The following GPC6 variants were observed in gnomAD, a reference collection of about 807,000 sequenced individuals.
The protein encoded by GPC6 is glypican-6.
In GPC6, 14 loss-of-function variants were observed where a neutral mutation model predicts 55.2. That is an observed-to-expected ratio of 0.25 (90% CI 0.17 to 0.40). The LOEUF is 0.40. GPC6 is among the 10% of genes least tolerant of loss of function. The pLI is 1.00. For synonymous variants in GPC6, 278 were observed against 259.6 expected (o/e 1.07, Z -0.68); for missense variants, 641 against 708.5 (o/e 0.90, Z 1.08).
intron 1 of GPC6, among the ~76,000 whole-genome samples, chr13:93,478,949 C>G (rs761128011): frequency 5.3e-5 from 8 of 152,166 alleles, no homozygotes; most frequent in Non-Finnish European, 1.0e-4. Context: ...AGTCCTGTAG[C>G]TGGCTACATG....
chr13:93,242,855 C>T (rs903562350), intron 1 of GPC6, among the ~76,000 whole-genome samples: 5 of 152,012 alleles, frequency 3.3e-5, no homozygotes, highest in Non-Finnish European at 7.4e-5. Flanking sequence ...TCCTCTGGGT[C>T]TAGCCACCAT....
chr13:93,543,616 T>A (rs186820599), intron 1 of GPC6, among the ~76,000 whole-genome samples: 1 of 152,292 alleles, frequency 6.6e-6, no homozygotes, highest in East Asian at 1.9e-4. Context: ...TTCCTCCTTG[T>A]ACCTCTGGTA....
At chr13:93,587,399 ACTT>A (rs772852954) in intron 2 of GPC6, among the ~76,000 whole-genome samples, 77 of 152,258 alleles carry the variant, frequency 5.1e-4, no homozygotes, top group Non-Finnish European at 9.6e-4. Context: ...CAGTTCTGAA[ACTT>A]CTTCTAGCTT....
chr13:93,771,142 C>A (rs542746663), intron 2 of GPC6, among the ~76,000 whole-genome samples: 18 of 152,248 alleles, frequency 1.2e-4, no homozygotes, highest in African/African-American at 4.3e-4. Flanking sequence ...AATAAGCAAA[C>A]AAGTCATCTT....
chr13:94,328,360 T>G (rs1877233099), intron 6 of GPC6, among the ~76,000 whole-genome samples: 1 of 152,250 alleles, frequency 6.6e-6, no homozygotes, highest in African/African-American at 2.4e-5. Flanking sequence ...CTTGGAAGAA[T>G]GACTACTCTT....
chr13:93,467,575 CTTTTTTT>C (rs11426472), intron 1 of GPC6, among the ~76,000 whole-genome samples: 3 of 74,022 alleles, frequency 4.1e-5, no homozygotes, highest in East Asian at 8.9e-4. Context: ...AGCTGTGATT[CTTTTTTT>C]TTTTTTTTTT....
At chr13:94,343,014 C>G (rs1477861735) in intron 6 of GPC6, among the ~76,000 whole-genome samples, 1 of 152,146 alleles carries the variant, frequency 6.6e-6, no homozygotes, top group East Asian at 1.9e-4. Context: ...ATCTGAAAAT[C>G]TCATGCCCTG....
intron 1 of GPC6, among the ~76,000 whole-genome samples, chr13:93,274,666 C>T (rs544984867): frequency 6.6e-6 from 1 of 152,216 alleles, no homozygotes; most frequent in Admixed American, 6.5e-5. Flanking sequence ...TCAGATAATT[C>T]AAGTTATTTA....
intron 1 of GPC6, among the ~76,000 whole-genome samples, chr13:93,378,574 A>G (rs1019939889): frequency 1.3e-5 from 2 of 152,180 alleles, no homozygotes; most frequent in Non-Finnish European, 2.9e-5. Context: ...CTATCCCTGT[A>G]GACTTGTGGT....
At chr13:93,578,422 T>G (rs1230862953) in intron 2 of GPC6, among the ~76,000 whole-genome samples, 2 of 152,022 alleles carry the variant, frequency 1.3e-5, no homozygotes, top group Non-Finnish European at 2.9e-5. Flanking sequence ...TATTCTGTCT[T>G]GGTAGAATTT....
intron 2 of GPC6, among the ~76,000 whole-genome samples, chr13:93,661,087 C>A (rs564003101): frequency 1.3e-5 from 2 of 152,274 alleles, no homozygotes; most frequent in East Asian, 3.9e-4. Flanking sequence ...ATCTGTAGTA[C>A]ATGCAAGGAG....
chr13:94,264,549 C>T (rs1004950095), intron 4 of GPC6, among the ~76,000 whole-genome samples: 6 of 152,090 alleles, frequency 3.9e-5, no homozygotes, highest in South Asian at 2.1e-4. Flanking sequence ...GGTCACTAGA[C>T]GGTAAAAGAT....
chr13:93,930,595 G>T (rs569848803), intron 3 of GPC6, among the ~76,000 whole-genome samples: 1 of 152,010 alleles, frequency 6.6e-6, no homozygotes, highest in South Asian at 2.1e-4. Context: ...TTACAATACA[G>T]TACAATATGA....
chr13:94,264,777 G>A (rs1489311540), intron 4 of GPC6, among the ~76,000 whole-genome samples: 1 of 152,110 alleles, frequency 6.6e-6, no homozygotes, highest in East Asian at 1.9e-4. Context: ...TACCCAAGAC[G>A]GGTAATTTAT....
chr13:94,279,728 C>G (rs1370253462), intron 4 of GPC6, among the ~76,000 whole-genome samples: 1 of 152,072 alleles, frequency 6.6e-6, no homozygotes, highest in African/African-American at 2.4e-5. Context: ...GCAGGTTGTT[C>G]CATTTCCATG....
At chr13:93,878,078 G>A (rs1874702458) in intron 3 of GPC6, among the ~76,000 whole-genome samples, 1 of 151,986 alleles carries the variant, frequency 6.6e-6, no homozygotes, top group Non-Finnish European at 1.5e-5. Context: ...GTTGTTATTT[G>A]TCTTTTTAAA....
At chr13:94,246,491 G>C (rs958203995) in intron 4 of GPC6, among the ~76,000 whole-genome samples, 11 of 152,148 alleles carry the variant, frequency 7.2e-5, no homozygotes, top group African/African-American at 2.6e-4. Context: ...CATTGTTTCA[G>C]ATCTTACATT....
At chr13:93,233,328 T>C (rs1335013755) in intron 1 of GPC6, among the ~76,000 whole-genome samples, 1 of 146,392 alleles carries the variant, frequency 6.8e-6, no homozygotes, top group Non-Finnish European at 1.5e-5. Flanking sequence ...TTTAAATGAA[T>C]GTGCCAGTTA....
At chr13:93,948,636 G>A (rs991200040) in intron 3 of GPC6, among the ~76,000 whole-genome samples, 11 of 152,168 alleles carry the variant, frequency 7.2e-5, no homozygotes, top group African/African-American at 2.7e-4. Context: ...GATGCAAGAC[G>A]TGTTCCTTTC....
Sources: gnomAD v4.1 joint callset for allele counts (sites outside exome capture counted in the v4.1 genomes callset) on GRCh38, gnomAD v4.1.1 for gene constraint, MANE v1.5 for transcripts, NCBI Gene and HGNC (gene_info 2026-07-23, HGNC 2026-07-21) for gene names.